ROBO1: variants seen among roughly 807,000 people sequenced by gnomAD.
The protein encoded by ROBO1 is roundabout guidance receptor 1.
ROBO1 carries 149 observed loss-of-function variants against 195.9 expected under a neutral mutation model. That is an observed-to-expected ratio of 0.76 (90% CI 0.67 to 0.87). The LOEUF (loss-of-function observed/expected upper bound fraction) is 0.87, where lower values mean the gene tolerates loss of function less well. Among genes scored for constraint, ROBO1 ranks in the 40% least tolerant of loss-of-function variants. The pLI, the probability that ROBO1 is intolerant of heterozygous loss-of-function variation, is 0.00. For missense variants in ROBO1, 1,933 were observed against 2,068.3 expected, an observed-to-expected ratio of 0.93 and a Z score of 1.27; for synonymous variants, 816 against 733.2, an observed-to-expected ratio of 1.11 and a Z score of -1.82.
intron 1 of ROBO1, among the ~76,000 whole-genome samples, chr3:79,740,238 T>TTTATATATAA (rs1703581477): frequency 4.7e-5 from 1 of 21,372 alleles, no homozygotes; most frequent in South Asian, 2.0e-3. Flanking sequence ...TATATATAAA[T>TTTATATATAA]ATATATATAT....
intron 2 of ROBO1, among the ~76,000 whole-genome samples, chr3:79,567,208 C>T (rs574566996): frequency 6.6e-6 from 1 of 152,188 alleles, no homozygotes; most frequent in South Asian, 2.1e-4. Context: ...ACGATGAGAA[C>T]ACATGGACAC....
At chr3:79,601,989 C>A (rs1200977842) in intron 1 of ROBO1, among the ~76,000 whole-genome samples, 1 of 151,912 alleles carries the variant, frequency 6.6e-6, no homozygotes, top group Non-Finnish European at 1.5e-5. Flanking sequence ...CGTATTACAG[C>A]ATGATATTAA....
At chr3:78,883,470 C>T (rs2036307443) in intron 4 of ROBO1, among the ~76,000 whole-genome samples, 1 of 152,092 alleles carries the variant, frequency 6.6e-6, no homozygotes, top group African/African-American at 2.4e-5. Context: ...AAGCCTCAAA[C>T]TCCTGGCCTC....
chr3:78,627,258 T>C (rs1575799688), intron 26 of ROBO1, 63 bp downstream of exon 26: 2 of 1,539,220 alleles, frequency 1.3e-6, no homozygotes, highest in Non-Finnish European at 1.8e-6. Flanking sequence ...TAGCATTTGG[T>C]AACTTCCACT....
chr3:79,371,491 G>A (rs2036191542), intron 2 of ROBO1, among the ~76,000 whole-genome samples: 1 of 152,096 alleles, frequency 6.6e-6, no homozygotes. Context: ...AACAGAAACA[G>A]AAGATAAGGC....
chr3:79,066,589 A>T (rs1031808278), intron 3 of ROBO1, among the ~76,000 whole-genome samples: 1 of 151,968 alleles, frequency 6.6e-6, no homozygotes, highest in East Asian at 2.0e-4. Context: ...TTAGATATTT[A>T]AAAAAATGCT....
chr3:79,592,098 G>A (rs1944015718), intron 1 of ROBO1, among the ~76,000 whole-genome samples: 1 of 151,822 alleles, frequency 6.6e-6, no homozygotes, highest in African/African-American at 2.4e-5. Flanking sequence ...TTGAAAATGA[G>A]ATTTTTGTAT....
intron 3 of ROBO1, among the ~76,000 whole-genome samples, chr3:78,954,892 A>G (rs529274903): frequency 3.7e-4 from 56 of 152,150 alleles, no homozygotes; most frequent in African/African-American, 1.3e-3. Flanking sequence ...TCTCAATTTA[A>G]ATTTCTAAGG....
intron 10 of ROBO1, among the ~76,000 whole-genome samples, chr3:78,679,687 C>G (rs777120604): frequency 3.9e-5 from 6 of 152,126 alleles, no homozygotes; most frequent in Admixed American, 3.3e-4. Flanking sequence ...AAAGAAGATA[C>G]AAACAAATGG....
At chr3:79,075,284 T>A (rs1224224712) in intron 3 of ROBO1, among the ~76,000 whole-genome samples, 1 of 152,030 alleles carries the variant, frequency 6.6e-6, no homozygotes, top group East Asian at 1.9e-4. Context: ...ACCTTCAGAG[T>A]ACTGATGTAA....
chr3:79,411,525 A>C (rs891588688), intron 2 of ROBO1, among the ~76,000 whole-genome samples: 2 of 152,144 alleles, frequency 1.3e-5, no homozygotes, highest in African/African-American at 4.8e-5. Flanking sequence ...CTCAGGACAA[A>C]GTGCTAAGAT....
At chr3:79,414,424 T>C (rs1273317059) in intron 2 of ROBO1, among the ~76,000 whole-genome samples, 1 of 151,722 alleles carries the variant, frequency 6.6e-6, no homozygotes, top group Non-Finnish European at 1.5e-5. Context: ...TTAATTTGAG[T>C]TGATACATTT....
intron 5 of ROBO1, among the ~76,000 whole-genome samples, chr3:78,738,114 G>A (rs2082435039): frequency 6.6e-6 from 1 of 152,132 alleles, no homozygotes; most frequent in Non-Finnish European, 1.5e-5. Flanking sequence ...AGAAGCAGAT[G>A]GCGTAGGAAG....
intron 2 of ROBO1, among the ~76,000 whole-genome samples, chr3:79,575,559 T>A (rs1182219256): frequency 1.5e-5 from 2 of 137,718 alleles, no homozygotes; most frequent in African/African-American, 5.3e-5. Flanking sequence ...ATATAACAAA[T>A]ATATATAAAT....
At chr3:79,595,578 A>C (rs1389567216) in intron 1 of ROBO1, among the ~76,000 whole-genome samples, 3 of 151,746 alleles carry the variant, frequency 2.0e-5, no homozygotes, top group Non-Finnish European at 4.4e-5. Context: ...TCCAGGTAAA[A>C]AGAAAAAGTG....
chr3:78,776,286 C>G (rs1040021674), intron 4 of ROBO1, among the ~76,000 whole-genome samples: 2 of 152,248 alleles, frequency 1.3e-5, no homozygotes, highest in African/African-American at 4.8e-5. Flanking sequence ...GAGTTTTGCT[C>G]TTTCACCCAG....
chr3:78,963,503 T>TG (rs1398787143), intron 3 of ROBO1, among the ~76,000 whole-genome samples: 3 of 113,296 alleles, frequency 2.6e-5, no homozygotes, highest in African/African-American at 6.5e-5. Flanking sequence ...AGTTTTTTTT[T>TG]TTTTTTTTTT....
intron 3 of ROBO1, among the ~76,000 whole-genome samples, chr3:78,997,013 A>G: frequency 6.6e-6 from 1 of 152,148 alleles, no homozygotes; most frequent in East Asian, 1.9e-4. Context: ...CAATGTCTGG[A>G]TATTTTTGCT....
chr3:79,116,363 T>A (rs879532380), intron 3 of ROBO1, among the ~76,000 whole-genome samples: 4 of 151,348 alleles, frequency 2.6e-5, no homozygotes, highest in African/African-American at 9.7e-5. Flanking sequence ...TTCTTATTTT[T>A]TTCGTTCTTT....
Sources: gnomAD v4.1 joint callset for allele counts (sites outside exome capture counted in the v4.1 genomes callset) on GRCh38, gnomAD v4.1.1 for gene constraint, MANE v1.5 for transcripts, NCBI Gene and HGNC (gene_info 2026-07-23, HGNC 2026-07-21) for gene names.